MGAT5: variants seen among roughly 807,000 people sequenced by gnomAD.
MGAT5 encodes alpha-1,6-mannosylglycoprotein 6-beta-N-acetylglucosaminyltransferase A.
In MGAT5, 30 loss-of-function variants were observed where a neutral mutation model predicts 94.3. The ratio of observed to expected loss-of-function variants is 0.32; its 90% confidence interval spans 0.24 to 0.43. MGAT5 has a LOEUF of 0.43. Among genes scored for constraint, MGAT5 ranks in the 20% least tolerant of loss-of-function variants. The pLI, the probability that MGAT5 is intolerant of heterozygous loss-of-function variation, is 1.00. For synonymous variants in MGAT5, 310 were observed against 322.9 expected (o/e 0.96, Z 0.43); for missense variants, 691 against 905.5 (o/e 0.76, Z 3.04).
chr2:134,189,606 T>TGTTTTGTTTTGTTTTG (rs1399203387), intron 1 of MGAT5, among the ~76,000 whole-genome samples: 2,684 of 108,576 alleles, frequency 0.025, 128 homozygotes, highest in Non-Finnish European at 0.032. Context: ...TTTTTTGTTT[T>TGTTTTGTTTTGTTTTG]TTTTTTTTTT....
At chr2:134,381,411 T>TA (rs1411578908) in intron 10 of MGAT5, among the ~76,000 whole-genome samples, 1 of 116,820 alleles carries the variant, frequency 8.6e-6, no homozygotes, top group African/African-American at 3.3e-5. Flanking sequence ...GATAGATAGA[T>TA]AGATAGATAG....
chr2:134,319,876 T>G, intron 4 of MGAT5: 2 of 254,628 alleles, frequency 7.9e-6, no homozygotes, highest in Non-Finnish European at 1.6e-5. Context: ...TTTGGTAACC[T>G]GAGATTTAGA....
chr2:134,327,557 T>C (rs963689598), intron 4 of MGAT5, among the ~76,000 whole-genome samples: 1 of 152,172 alleles, frequency 6.6e-6, no homozygotes, highest in Admixed American at 6.6e-5. Flanking sequence ...GTTCCAGCCC[T>C]GGGCATGATG....
intron 2 of MGAT5, among the ~76,000 whole-genome samples, chr2:134,289,045 C>G (rs1685186365): frequency 6.6e-6 from 1 of 152,190 alleles, no homozygotes; most frequent in Admixed American, 6.5e-5. Context: ...TGCCCTTCAT[C>G]TCCCTTGTCT....
intron 1 of MGAT5, among the ~76,000 whole-genome samples, chr2:134,237,639 G>C (rs1161637037): frequency 3.6e-5 from 2 of 54,914 alleles, no homozygotes; most frequent in East Asian, 9.9e-4. Flanking sequence ...TTTTTTTTTT[G>C]AGATGGAGTC....
intron 1 of MGAT5, among the ~76,000 whole-genome samples, chr2:134,137,876 C>T (rs1325243877): frequency 1.3e-5 from 2 of 148,526 alleles, no homozygotes; most frequent in South Asian, 2.1e-4. Flanking sequence ...GATAGCATCT[C>T]GCCTTTCTTT....
intron 1 of MGAT5, among the ~76,000 whole-genome samples, chr2:134,126,547 G>A (rs1685847549): frequency 1.3e-5 from 2 of 152,208 alleles, no homozygotes; most frequent in Middle Eastern, 3.2e-3. Flanking sequence ...GCAGGCAGCC[G>A]AAAAGCTTAA....
chr2:134,295,794 C>T (rs1685638009), intron 2 of MGAT5, among the ~76,000 whole-genome samples: 1 of 152,158 alleles, frequency 6.6e-6, no homozygotes, highest in African/African-American at 2.4e-5. Flanking sequence ...TTCAGTTCAG[C>T]CTCTTGCCTT....
chr2:134,128,267 AAGAG>A (rs141839867), intron 1 of MGAT5, among the ~76,000 whole-genome samples: 15 of 151,992 alleles, frequency 9.9e-5, no homozygotes, highest in Admixed American at 1.3e-4. Context: ...AAAGAAAAGA[AAGAG>A]AGAGAGAGAA....
chr2:134,276,844 A>G (rs1684407753), intron 2 of MGAT5, among the ~76,000 whole-genome samples: 1 of 152,124 alleles, frequency 6.6e-6, no homozygotes, highest in Admixed American at 6.5e-5. Context: ...TGGCCCAGGG[A>G]GAAAGAATTT....
intron 1 of MGAT5, among the ~76,000 whole-genome samples, chr2:134,226,005 C>T (rs1558997335): frequency 6.6e-6 from 1 of 152,178 alleles, no homozygotes; most frequent in East Asian, 1.9e-4. Context: ...GTAGCCTAAA[C>T]AGTCATTTGT....
intron 1 of MGAT5, among the ~76,000 whole-genome samples, chr2:134,155,404 G>A (rs570889473): frequency 3.0e-4 from 45 of 152,358 alleles, no homozygotes; most frequent in Middle Eastern, 3.4e-3. Context: ...TCTGAAGTTG[G>A]TCTGATTGTG....
At chr2:134,144,085 C>T (rs1039480741) in intron 1 of MGAT5, among the ~76,000 whole-genome samples, 3 of 152,072 alleles carry the variant, frequency 2.0e-5, no homozygotes, top group Non-Finnish European at 2.9e-5. Flanking sequence ...TCAGGGATGC[C>T]GGTTGAAGAT....
intron 1 of MGAT5, among the ~76,000 whole-genome samples, chr2:134,187,203 A>G (rs1051287083): frequency 6.6e-6 from 1 of 152,122 alleles, no homozygotes; most frequent in Non-Finnish European, 1.5e-5. Context: ...ATTATGATGG[A>G]CGTGTGTGAA....
intron 2 of MGAT5, among the ~76,000 whole-genome samples, chr2:134,276,551 A>G (rs530722859): frequency 6.6e-6 from 1 of 152,350 alleles, no homozygotes; most frequent in African/African-American, 2.4e-5. Flanking sequence ...ACATCAGAAA[A>G]TACCCTTGAC....
At chr2:134,152,677 C>T (rs1372735478) in intron 1 of MGAT5, among the ~76,000 whole-genome samples, 3 of 152,176 alleles carry the variant, frequency 2.0e-5, no homozygotes, top group Admixed American at 6.5e-5. Flanking sequence ...CACTAATGAA[C>T]GTGGTAACTA....
At chr2:134,415,440 A>T (rs1479339271) in intron 12 of MGAT5, among the ~76,000 whole-genome samples, 1 of 152,046 alleles carries the variant, frequency 6.6e-6, no homozygotes, top group African/African-American at 2.4e-5. Context: ...TCTTCAGGTT[A>T]TTTGCGTATA....
chr2:134,368,120 C>G (rs1240318635), intron 10 of MGAT5, among the ~76,000 whole-genome samples: 1 of 152,178 alleles, frequency 6.6e-6, no homozygotes, highest in Non-Finnish European at 1.5e-5. Context: ...GCCAGTTGTT[C>G]CATGGAGCTG....
At chr2:134,276,159 C>T (rs1030287239) in intron 2 of MGAT5, among the ~76,000 whole-genome samples, 5 of 150,406 alleles carry the variant, frequency 3.3e-5, no homozygotes, top group Admixed American at 6.6e-5. Context: ...TCACAAGCCC[C>T]CCCACCCCCG....
Sources: allele counts gnomAD v4.1 joint callset (sites outside exome capture counted in the v4.1 genomes callset), GRCh38; gene constraint gnomAD v4.1.1; transcripts MANE v1.5; gene names NCBI Gene and HGNC (gene_info 2026-07-23, HGNC 2026-07-21).